Variants in RAPGEF6 observed in about 807,000 individuals in gnomAD.
RAPGEF6 encodes PDZ domain containing guanine nucleotide exchange factor (GEF) 2.
In RAPGEF6, 56 loss-of-function variants were observed where a neutral mutation model predicts 171.4. The ratio of observed to expected loss-of-function variants is 0.33; its 90% CI spans 0.26 to 0.41. The LOEUF is 0.41. RAPGEF6 is among the 10% of genes least tolerant of loss of function. The pLI, the probability that RAPGEF6 is intolerant of heterozygous loss-of-function variation, is 1.00. For synonymous variants in RAPGEF6, 692 were observed against 650.1 expected (o/e 1.06, Z -0.98); for missense variants, 1,674 against 1,921.4 (o/e 0.87, Z 2.41).
chr5:131,589,164 G>A (rs559874524), intron 4 of RAPGEF6, among the ~76,000 whole-genome samples: 1 of 152,268 alleles, frequency 6.6e-6, no homozygotes, highest in South Asian at 2.1e-4. Flanking sequence ...CAATCACAAA[G>A]TAAAGGACAC....
chr5:131,430,951 G>A lies in RAPGEF6; in HGVS notation c.4373C>T (p.Thr1458Ile). 1 of 1,614,094 alleles carries A rather than the reference G, an allele frequency of 6.2e-7. No homozygotes were observed. Among genetic ancestry groups the A allele is most frequent in the South Asian group, 1.1e-5 (1 of 91,086 alleles). ...GTVKQRVLESTPAESSEGLDP... is the reference protein window; with the variant it reads ...GTVKQRVLESIPAESSEGLDP... The stretch of plus-strand genomic sequence containing the variant: ...CAAGCCTTCAGATGACTCAGCTGGG[G>A]TGCTCTCCAATACTCTCTGTTTAAC... The change falls in exon 26 of 28, where the codon ACC (threonine) becomes ATC (isoleucine). Residue 1458 changes from threonine (T) to isoleucine (I), a missense_variant. Physicochemically the swap from Thr to Ile is moderately conservative, Grantham distance 89 (BLOSUM62 -1). Around this residue, in one of 3 missense-constraint regions of RAPGEF6, gnomAD observed 552 missense variants for 574.2 expected, o/e 0.96. Transcript: ENST00000509018.
chr5:131,493,811 T>C lies in RAPGEF6; in HGVS notation c.1528-1026A>G, dbSNP rs1756454225. Among the ~76,000 whole-genome samples the C allele has an allele frequency of 2.0e-5, 3 of 152,202 alleles. No homozygotes were observed. In the South Asian group the frequency reaches 6.2e-4, roughly 32 times the overall value. ...GAAAAAAAAATCCCATGACTTTTTT[T>C]CCCACATTCTGATGTCCCTTGAATA... On this transcript the variant is annotated intron_variant, in intron 13 of 27. Coordinates refer to ENST00000509018, the MANE Select transcript of RAPGEF6 (RefSeq NM_016340.6).
chr5:131,437,856 C>T (rs1315123571), intron 24 of RAPGEF6, among the ~76,000 whole-genome samples: 1 of 152,184 alleles, frequency 6.6e-6, no homozygotes, highest in Non-Finnish European at 1.5e-5. Context: ...TCACTAAACA[C>T]TTACCACACA....
At chr5:131,538,703 C>T (rs923098530) in intron 6 of RAPGEF6, among the ~76,000 whole-genome samples, 2 of 152,124 alleles carry the variant, frequency 1.3e-5, no homozygotes, top group Non-Finnish European at 1.5e-5. Context: ...TAGCTATCTC[C>T]AGTTTTGAGG....
intron 4 of RAPGEF6, among the ~76,000 whole-genome samples, chr5:131,584,573 T>A (rs996715990): frequency 1.3e-5 from 2 of 152,232 alleles, no homozygotes; most frequent in Non-Finnish European, 2.9e-5. Context: ...CAGTCATTAT[T>A]CCAAAAGTCA....
intron 3 of RAPGEF6, among the ~76,000 whole-genome samples, chr5:131,594,810 G>A (rs771363698): frequency 1.3e-5 from 2 of 152,160 alleles, no homozygotes; most frequent in Non-Finnish European, 2.9e-5. Context: ...GCTGGGTTTC[G>A]GACTAGCATG....
rs1561454508 is a variant in RAPGEF6, at chr5:131,426,852, TC to T, written c.*413del. On this transcript the variant is annotated 3_prime_UTR_variant, in exon 28 of 28. Coordinates refer to ENST00000509018, the MANE Select transcript of RAPGEF6 (RefSeq NM_016340.6). ...GTTATTTTTCAAATATACAAGAATA[TC>T]CTTGGTATTGGCAGACAATTTCAAT... 2 of 179,656 alleles carry T rather than the reference TC, an allele frequency of 1.1e-5. No individual in the cohort carries two copies. Among genetic ancestry groups the T allele is most frequent in the African/African-American group, 4.8e-5 (2 of 42,024 alleles). 11.1% of individuals were successfully genotyped at this position (179,656 alleles called of 1,614,324 possible). A position where few individuals can be genotyped will look rare whatever the true frequency, so the allele number is the denominator to read the frequency against.
chr5:131,486,482 C>T (rs556798890), intron 15 of RAPGEF6, among the ~76,000 whole-genome samples: 1 of 152,122 alleles, frequency 6.6e-6, no homozygotes, highest in African/African-American at 2.4e-5. Flanking sequence ...AGAGTCACAT[C>T]CTTCTTTTAC....
At chr5:131,508,925 G>A (rs1283321630) in intron 8 of RAPGEF6, among the ~76,000 whole-genome samples, 1 of 152,044 alleles carries the variant, frequency 6.6e-6, no homozygotes, top group Non-Finnish European at 1.5e-5. Context: ...AGTTTCTGTC[G>A]AGATAACGTT....
chr5:131,515,152 C>T (rs911938336), intron 7 of RAPGEF6, among the ~76,000 whole-genome samples: 8 of 152,150 alleles, frequency 5.3e-5, no homozygotes, highest in Admixed American at 4.6e-4. Context: ...AAGAGTTATA[C>T]AAACTTACAA....
At chr5:131,450,407 T>G (rs1228689349) in intron 21 of RAPGEF6, among the ~76,000 whole-genome samples, 1 of 152,172 alleles carries the variant, frequency 6.6e-6, no homozygotes, top group African/African-American at 2.4e-5. Flanking sequence ...CTTAAAGGAA[T>G]AGAATTTCTG....
intron 15 of RAPGEF6, among the ~76,000 whole-genome samples, chr5:131,487,656 G>A (rs945667601): frequency 7.9e-5 from 12 of 152,178 alleles, no homozygotes; most frequent in African/African-American, 9.7e-5. Context: ...TGATTGGTGC[G>A]TTTACAATCT....
intron 6 of RAPGEF6, among the ~76,000 whole-genome samples, chr5:131,538,891 C>T (rs1759952050): frequency 6.6e-6 from 1 of 152,144 alleles, no homozygotes; most frequent in Non-Finnish European, 1.5e-5. Flanking sequence ...TAACTAGGTA[C>T]AAAAACCTAT....
rs1358348694 is a variant in RAPGEF6 at position 131,425,951 on chromosome 5, A to T, written c.*1315T>A. ...TTAAAATTTCACTTGCTTTTACATT[A>T]AAAAAACTGAAAAAATTAAACTTAA... On this transcript the variant is annotated 3_prime_UTR_variant, in exon 28 of 28. Coordinates refer to ENST00000509018, the MANE Select transcript of RAPGEF6 (RefSeq NM_016340.6). 7.5e-6 allele frequency: 1 copy of T among 133,426 alleles called. No individual in the cohort carries two copies. Among genetic ancestry groups the T allele is most frequent in the Non-Finnish European group, 1.5e-5 (1 of 64,786 alleles). 8.3% of individuals were successfully genotyped at this position (133,426 alleles called of 1,614,324 possible). A position where few individuals can be genotyped will look rare whatever the true frequency, so the allele number is the denominator to read the frequency against.
chr5:131,569,158 A>C (rs1421269038), intron 4 of RAPGEF6, among the ~76,000 whole-genome samples: 2 of 152,192 alleles, frequency 1.3e-5, no homozygotes, highest in African/African-American at 4.8e-5. Flanking sequence ...CCCCAAATTA[A>C]TCTATAGATT....
At chr5:131,590,613 A>G (rs1241610797) in intron 4 of RAPGEF6, among the ~76,000 whole-genome samples, 1 of 152,216 alleles carries the variant, frequency 6.6e-6, no homozygotes, top group Non-Finnish European at 1.5e-5. Flanking sequence ...TTCCCTAATC[A>G]GTATTATTCT....
intron 6 of RAPGEF6, among the ~76,000 whole-genome samples, chr5:131,540,252 T>C (rs993070510): frequency 6.6e-6 from 1 of 152,176 alleles, no homozygotes; most frequent in Non-Finnish European, 1.5e-5. Flanking sequence ...CCAACACTCA[T>C]ACAGGCACAC....
chr5:131,575,550 T>C (rs775276178), intron 4 of RAPGEF6, among the ~76,000 whole-genome samples: 2 of 152,168 alleles, frequency 1.3e-5, no homozygotes, highest in African/African-American at 4.8e-5. Flanking sequence ...CAACAACTCC[T>C]TTCCTTCCTA....
intron 21 of RAPGEF6, among the ~76,000 whole-genome samples, chr5:131,448,679 A>G (rs1752872631): frequency 6.6e-6 from 1 of 152,348 alleles, no homozygotes; most frequent in Non-Finnish European, 1.5e-5. Context: ...AATGTTTTCT[A>G]AACTACTTTG....
Sources: allele counts gnomAD v4.1 joint callset (sites outside exome capture counted in the v4.1 genomes callset), GRCh38; gene constraint gnomAD v4.1.1; regional missense constraint gnomAD v4.1.1; transcripts MANE v1.5; gene names NCBI Gene and HGNC (gene_info 2026-07-23, HGNC 2026-07-21).